Variants in MXRA7 observed in about 807,000 individuals in gnomAD.
The protein encoded by MXRA7 is matrix-remodeling-associated protein 7.
Under a neutral mutation model 17.4 loss-of-function variants are expected in MXRA7, and 18 were observed. The ratio of observed to expected loss-of-function variants is 1.03; its 90% CI spans 0.71 to 1.53. The LOEUF is 1.53. MXRA7 is among the 40% of genes most tolerant of loss of function. The pLI is 0.00. For synonymous variants in MXRA7, 70 were observed against 101.7 expected, an observed-to-expected ratio of 0.69 and a Z score of 1.87; for missense variants, 141 against 209.3, an observed-to-expected ratio of 0.67 and a Z score of 2.01.
In MXRA7 at chr17:76,683,165, C is replaced by A. The variant is rs2076331601; in HGVS notation, c.500+1907G>T. Among the ~76,000 whole-genome samples the A allele has an allele frequency of 2.0e-5, 3 of 152,194 alleles. No individual in the cohort carries two copies. The South Asian group carries it at 6.2e-4, about 31-fold the overall frequency. On this transcript the variant is annotated intron_variant, in intron 3 of 3. Coordinates refer to ENST00000449428, the MANE Select transcript of MXRA7 (RefSeq NM_198530.4). ...CAAGGGCTGGCAGTTGTGTCCAGCCCCCTCTAGCCTCTGTCCAGGGACTGC... is the reference window on the plus strand; with the variant it reads ...CAAGGGCTGGCAGTTGTGTCCAGCCACCTCTAGCCTCTGTCCAGGGACTGC...
chr17:76,707,237 G>T (rs1374545073), intron 1 of MXRA7, among the ~76,000 whole-genome samples: 5 of 149,992 alleles, frequency 3.3e-5, no homozygotes, highest in Non-Finnish European at 7.4e-5. Flanking sequence ...AAATCTAGAA[G>T]AGTCTCTGTG....
chr17:76,700,645 C>T (rs1055107297), intron 1 of MXRA7, among the ~76,000 whole-genome samples: 4 of 152,242 alleles, frequency 2.6e-5, no homozygotes, highest in African/African-American at 9.6e-5. Flanking sequence ...CAACAGGTGC[C>T]TACTGCGTGC....
At chr17:76,704,509 T>G (rs1354238714) in intron 1 of MXRA7, among the ~76,000 whole-genome samples, 1 of 144,828 alleles carries the variant, frequency 6.9e-6, no homozygotes, top group Non-Finnish European at 1.5e-5. Context: ...CCGGCCAGCT[T>G]TTTTTTTTTT....
intron 1 of MXRA7, among the ~76,000 whole-genome samples, chr17:76,694,633 G>A (rs2076513171): frequency 6.6e-6 from 1 of 152,190 alleles, no homozygotes; most frequent in South Asian, 2.1e-4. Flanking sequence ...CACCCAGGCT[G>A]TTGGTAGAGT....
intron 1 of MXRA7, among the ~76,000 whole-genome samples, chr17:76,702,604 C>A (rs1021057967): frequency 6.6e-6 from 1 of 152,122 alleles, no homozygotes; most frequent in African/African-American, 2.4e-5. Flanking sequence ...AATCCCAGTA[C>A]TTTGGGAGGC....
At chr17:76,701,355 G>A in intron 1 of MXRA7, among the ~76,000 whole-genome samples, 1 of 151,052 alleles carries the variant, frequency 6.6e-6, no homozygotes, top group African/African-American at 2.4e-5. Context: ...GCAGCTGAGC[G>A]TCGGGGGGGT....
At chr17:76,683,953 G>C (rs772307542) in intron 3 of MXRA7, 2 of 1,585,356 alleles carry the variant, frequency 1.3e-6, no homozygotes, top group East Asian at 4.5e-5. Context: ...AGCAAACCTG[G>C]TCATGCCAAG....
At chr17:76,683,576 G>A (rs911637529) in intron 3 of MXRA7, among the ~76,000 whole-genome samples, 1 of 152,160 alleles carries the variant, frequency 6.6e-6, no homozygotes, top group Non-Finnish European at 1.5e-5. Flanking sequence ...CTTGCGAGGG[G>A]GCGCTAGCAC....
chr17:76,703,134 A>C (rs960068594), intron 1 of MXRA7, among the ~76,000 whole-genome samples: 4 of 151,894 alleles, frequency 2.6e-5, no homozygotes, highest in Admixed American at 1.3e-4. Context: ...TTTATCTCAG[A>C]CTCTGAGTCC....
chr17:76,704,200 A>ATTAT (rs2076627469), intron 1 of MXRA7, among the ~76,000 whole-genome samples: 2 of 63,434 alleles, frequency 3.2e-5, no homozygotes, highest in Admixed American at 2.6e-4. Context: ...CTTCCTTCAG[A>ATTAT]TTTTTTTTTT....
intron 1 of MXRA7, chr17:76,688,556 T>C: frequency 1.3e-5 from 16 of 1,272,184 alleles, no homozygotes; most frequent in Non-Finnish European, 1.6e-5. Context: ...GGGGTGTCTG[T>C]CTGGGACCAG....
intron 1 of MXRA7, among the ~76,000 whole-genome samples, chr17:76,697,158 G>A (rs532405915): frequency 6.6e-6 from 1 of 152,234 alleles, no homozygotes; most frequent in East Asian, 1.9e-4. Flanking sequence ...TTAAAATGAA[G>A]CCATTAGGGT....
intron 3 of MXRA7, 48 bp downstream of exon 3, chr17:76,685,024 C>G (rs201059015): frequency 1.1e-5 from 17 of 1,520,190 alleles, no homozygotes; most frequent in Non-Finnish European, 1.5e-5. Context: ...AGGGGCACCC[C>G]CCTCCCCCAA....
chr17:76,696,942 G>A (rs2076538421), intron 1 of MXRA7, among the ~76,000 whole-genome samples: 1 of 152,196 alleles, frequency 6.6e-6, no homozygotes, highest in East Asian at 1.9e-4. Context: ...GAACAGAGCA[G>A]CTGCTCGAGC....
At chr17:76,690,296 T>C (rs887206421) in intron 1 of MXRA7, 3 of 152,188 alleles carry the variant, frequency 2.0e-5, no homozygotes, top group African/African-American at 7.2e-5. Flanking sequence ...ATTTGGACTT[T>C]CCATTAATAT....
In MXRA7 at chr17:76,680,242, C is replaced by T; in HGVS notation, c.*625G>A. On this transcript the variant is annotated 3_prime_UTR_variant, in exon 4 of 4. Coordinates refer to ENST00000449428, the MANE Select transcript of MXRA7 (RefSeq NM_198530.4). ...CAATGAAAGGGCTGAATCCGAGATT[C>T]CTCTAGATGAAAAATAAGGGGAATG... The T allele has an allele frequency of 1.0e-6, 1 of 968,268 alleles. No homozygotes were observed. The allele number at this position is 968,268 out of a possible 1,614,324, so 60.0% of individuals were successfully genotyped here. A position where few individuals can be genotyped will look rare whatever the true frequency, so the allele number is the denominator to read the frequency against.
intron 3 of MXRA7, among the ~76,000 whole-genome samples, chr17:76,683,656 C>T (rs1017523650): frequency 1.3e-5 from 2 of 152,200 alleles, no homozygotes; most frequent in South Asian, 2.1e-4. Context: ...GAACCTCTGC[C>T]CCCAGACGGG....
downstream of MXRA7, chr17:76,677,544 G>A: frequency 7.4e-7 from 1 of 1,359,794 alleles, no homozygotes; most frequent in Non-Finnish European, 1.0e-6. Context: ...GGCAAGGGTG[G>A]GGACAGCATC....
chr17:76,673,846 G>A (rs1271757962), exon 4 of MXRA7: 2 of 152,260 alleles, frequency 1.3e-5, no homozygotes, highest in Non-Finnish European at 2.9e-5. Flanking sequence ...GTTACCGTCA[G>A]TCCAGGAAGT....
Sources: gnomAD v4.1 joint callset for allele counts (sites outside exome capture counted in the v4.1 genomes callset) on GRCh38, gnomAD v4.1.1 for gene constraint, MANE v1.5 for transcripts, NCBI Gene and HGNC (gene_info 2026-07-23, HGNC 2026-07-21) for gene names.